Variants in TMEM163 observed in about 807,000 individuals in gnomAD.
TMEM163 encodes the protein transmembrane protein 163.
A neutral mutation model predicts 29.3 loss-of-function variants in TMEM163; 17 were observed. That is an observed-to-expected ratio of 0.58 (90% CI 0.40 to 0.87). TMEM163 has a LOEUF of 0.87. TMEM163 is among the 40% of genes least tolerant of loss of function. The probability of loss-of-function intolerance (pLI) is 0.00; values close to 1 mark genes in which losing one functional copy is unlikely to be tolerated. For missense variants in TMEM163, 303 were observed against 381.5 expected, an observed-to-expected ratio of 0.79 and a Z score of 1.71; for synonymous variants, 157 against 160.6, an observed-to-expected ratio of 0.98 and a Z score of 0.17.
intron 2 of TMEM163, among the ~76,000 whole-genome samples, chr2:134,659,218 A>G (rs891367228): frequency 4.6e-5 from 7 of 152,246 alleles, no homozygotes; most frequent in Admixed American, 2.0e-4. Flanking sequence ...ATTCGACCTT[A>G]CAATGTCACT....
At chr2:134,489,981 C>T (rs1486698004) in intron 5 of TMEM163, among the ~76,000 whole-genome samples, 1 of 152,218 alleles carries the variant, frequency 6.6e-6, no homozygotes, top group Non-Finnish European at 1.5e-5. Context: ...CTAATGGCCA[C>T]GTGCACACAT....
chr2:134,525,079 G>T (rs931671936), intron 4 of TMEM163, among the ~76,000 whole-genome samples: 1 of 152,168 alleles, frequency 6.6e-6, no homozygotes, highest in African/African-American at 2.4e-5. Context: ...GCGTCAGGTG[G>T]TATTTCATTG....
intron 1 of TMEM163, among the ~76,000 whole-genome samples, chr2:134,716,503 G>C (rs1001083801): frequency 3.3e-5 from 5 of 152,322 alleles, no homozygotes; most frequent in African/African-American, 1.2e-4. Context: ...GGACAAAAGA[G>C]AATGCCAAAT....
intron 4 of TMEM163, among the ~76,000 whole-genome samples, chr2:134,524,890 T>C (rs1380574283): frequency 6.7e-6 from 1 of 150,252 alleles, no homozygotes; most frequent in African/African-American, 2.4e-5. Flanking sequence ...TACCCAGTAA[T>C]GGGATTGCTG....
intron 2 of TMEM163, 25 bp downstream of exon 2, chr2:134,713,175 G>T (rs1266391346): frequency 6.2e-7 from 1 of 1,609,266 alleles, no homozygotes; most frequent in Non-Finnish European, 8.5e-7. Context: ...AGCACATATT[G>T]GCCGACGAGA....
At chr2:134,590,930 C>T (rs560888108) in intron 2 of TMEM163, among the ~76,000 whole-genome samples, 66 of 152,306 alleles carry the variant, frequency 4.3e-4, no homozygotes, top group African/African-American at 1.5e-3. Context: ...ATGCCCACAG[C>T]TGCAAAGATA....
chr2:134,494,404 A>G (rs1679499913), intron 5 of TMEM163, among the ~76,000 whole-genome samples: 2 of 152,222 alleles, frequency 1.3e-5, no homozygotes, highest in African/African-American at 4.8e-5. Context: ...ATTCAGAGTT[A>G]CACTTGACAG....
intron 4 of TMEM163, among the ~76,000 whole-genome samples, chr2:134,549,416 C>G (rs1680861140): frequency 1.3e-5 from 2 of 152,204 alleles, no homozygotes; most frequent in African/African-American, 4.8e-5. Flanking sequence ...GGCACAATCT[C>G]GGCTCACTAC....
intron 4 of TMEM163, among the ~76,000 whole-genome samples, chr2:134,506,498 G>A (rs1194285996): frequency 1.3e-5 from 2 of 152,200 alleles, no homozygotes; most frequent in African/African-American, 4.8e-5. Flanking sequence ...GAGGGGTGGG[G>A]AGAGAGGTGT....
intron 2 of TMEM163, among the ~76,000 whole-genome samples, chr2:134,630,400 C>T (rs1483455248): frequency 6.6e-6 from 1 of 151,924 alleles, no homozygotes; most frequent in African/African-American, 2.4e-5. Context: ...TTATTTCCAG[C>T]GTTTTCAAAT....
intron 2 of TMEM163, among the ~76,000 whole-genome samples, chr2:134,671,384 C>T (rs1683993511): frequency 1.3e-5 from 2 of 152,164 alleles, no homozygotes; most frequent in South Asian, 4.1e-4. Context: ...CTCCCCAAAC[C>T]ATTTCAGATC....
At chr2:134,459,963 G>A (rs1003175993) in intron 6 of TMEM163, among the ~76,000 whole-genome samples, 5 of 151,592 alleles carry the variant, frequency 3.3e-5, no homozygotes, top group Non-Finnish European at 7.4e-5. Context: ...GCGCCACCTC[G>A]CCCTCCGCTG....
chr2:134,523,253 G>A (rs903867609), intron 4 of TMEM163, among the ~76,000 whole-genome samples: 4 of 152,052 alleles, frequency 2.6e-5, no homozygotes, highest in Admixed American at 2.0e-4. Flanking sequence ...GGTGGGGGTC[G>A]GAGCGTCTGT....
intron 4 of TMEM163, among the ~76,000 whole-genome samples, chr2:134,518,006 TG>T (rs1400649995): frequency 6.6e-6 from 1 of 152,222 alleles, no homozygotes; most frequent in Non-Finnish European, 1.5e-5. Flanking sequence ...GCAACTTCTC[TG>T]TGACCTATAC....
chr2:134,544,348 C>T (rs1680735705), intron 4 of TMEM163, among the ~76,000 whole-genome samples: 2 of 152,220 alleles, frequency 1.3e-5, no homozygotes, highest in African/African-American at 4.8e-5. Context: ...ATCCACTCTT[C>T]TCGTTTCCAA....
At chr2:134,482,424 T>C (rs549509300) in intron 5 of TMEM163, among the ~76,000 whole-genome samples, 1 of 152,232 alleles carries the variant, frequency 6.6e-6, no homozygotes, top group East Asian at 1.9e-4. Flanking sequence ...TCATGAGATG[T>C]GAGCCAGCAA....
chr2:134,551,669 AC>A (rs1268649231), intron 3 of TMEM163, among the ~76,000 whole-genome samples: 3 of 152,044 alleles, frequency 2.0e-5, no homozygotes, highest in Non-Finnish European at 4.4e-5. Flanking sequence ...CTACAGACTG[AC>A]TCATCCTAGC....
chr2:134,571,264 A>G (rs1018126684), intron 2 of TMEM163, among the ~76,000 whole-genome samples: 1 of 152,238 alleles, frequency 6.6e-6, no homozygotes, highest in Non-Finnish European at 1.5e-5. Context: ...GGCATTGCCC[A>G]TATACTGTCT....
rs765734718 is a variant in TMEM163 at position 134,498,354 on chromosome 2, CT to C, written c.555+4546del. 3.7e-3 allele frequency among the ~76,000 whole-genome samples: 426 copies of C among 115,456 alleles called. 1 individual carries two copies. The highest frequency in any genetic ancestry group is 0.011 in the African/African-American group (330 of 30,094). The allele number at this position is 115,456 out of a possible 152,430, so 75.7% of individuals were successfully genotyped here. ...GATGCTTGGTGCACTTGCATGTGGG[CT>C]TTTTTTTTTTTTTTTTTTTTGAGAC... is the stretch of plus-strand genomic sequence containing the variant. On this transcript the variant is annotated intron_variant, in intron 5 of 7. Coordinates refer to ENST00000281924, the MANE Select transcript of TMEM163 (RefSeq NM_030923.5).
Sources: allele counts gnomAD v4.1 joint callset (sites outside exome capture counted in the v4.1 genomes callset), GRCh38; gene constraint gnomAD v4.1.1; transcripts MANE v1.5; gene names NCBI Gene and HGNC (gene_info 2026-07-23, HGNC 2026-07-21).